CAPS2: variants seen among roughly 807,000 people sequenced by gnomAD.
CAPS2 encodes the protein calcyphosin-2.
A neutral mutation model predicts 86.5 loss-of-function variants in CAPS2; 98 were observed. The ratio of observed to expected loss-of-function variants is 1.13; its 90% CI spans 0.96 to 1.34. The LOEUF (loss-of-function observed/expected upper bound fraction) is 1.34. Among genes scored for constraint, CAPS2 ranks in the 40% most tolerant of loss-of-function variants. CAPS2 has a pLI of 0.00. For missense variants in CAPS2, 729 were observed against 686.8 expected (o/e 1.06, Z -0.69); for synonymous variants, 210 against 225.1 (o/e 0.93, Z 0.60).
At chr12:75,308,784 A>G (rs1213130774) in intron 7 of CAPS2, among the ~76,000 whole-genome samples, 1 of 151,856 alleles carries the variant, frequency 6.6e-6, no homozygotes, top group Non-Finnish European at 1.5e-5. Context: ...GCGAGATAAG[A>G]AGCAGAGGTT....
chr12:75,369,983 A>G, intron 1 of CAPS2: 1 of 1,082,328 alleles, frequency 9.2e-7, no homozygotes, highest in Non-Finnish European at 1.3e-6. Flanking sequence ...TATTATACCT[A>G]ACCGTATGTA....
intron 16 of CAPS2, among the ~76,000 whole-genome samples, 161 bp downstream of exon 16, chr12:75,282,090 T>C (rs977656826): frequency 1.7e-4 from 26 of 152,130 alleles, no homozygotes; most frequent in Non-Finnish European, 3.4e-4. Context: ...ACCTAAGAAT[T>C]TTTAAATGAA....
rs552390204 is a variant in CAPS2, at chr12:75,358,185, AAAT to A, written c.-395+32650_-395+32652del. 5.6e-4 allele frequency among the ~76,000 whole-genome samples: 85 copies of A among 151,942 alleles called. 1 individual carries two copies. Among genetic ancestry groups the A allele is most frequent in the South Asian group, 8.3e-4 (4 of 4,830 alleles). The stretch of plus-strand genomic sequence containing the variant: ...TACAAATATTAAAAGTAAAATAAGA[AAAT>A]AATAATAACATTTATGCCAATAAAT... On this transcript the variant is annotated intron_variant, in intron 1 of 5. Transcript: ENST00000551829.
chr12:75,301,182 ATAATT>A (rs1189396141), intron 8 of CAPS2, among the ~76,000 whole-genome samples: 1 of 152,236 alleles, frequency 6.6e-6, no homozygotes, highest in African/African-American at 2.4e-5. Context: ...TGCTTCACAA[ATAATT>A]TAATAATATT....
intron 1 of CAPS2, chr12:75,390,284 C>G: frequency 2.2e-6 from 1 of 455,884 alleles, no homozygotes. Context: ...CCAATTTTGT[C>G]TGGAACAAAA....
At chr12:75,341,030 C>CAA (rs113251142) in intron 1 of CAPS2, among the ~76,000 whole-genome samples, 8 of 142,012 alleles carry the variant, frequency 5.6e-5, no homozygotes, top group African/African-American at 1.0e-4. Context: ...CAATTTCTTA[C>CAA]AAAAAAAAAA....
chr12:75,376,561 G>T (rs1269967330), intron 1 of CAPS2, among the ~76,000 whole-genome samples: 1 of 152,178 alleles, frequency 6.6e-6, no homozygotes, highest in African/African-American at 2.4e-5. Flanking sequence ...TTAATCTCCT[G>T]AAAGGTGGAA....
At chr12:75,363,127 T>G (rs752315429) in intron 1 of CAPS2, 74 of 1,559,692 alleles carry the variant, frequency 4.7e-5, no homozygotes, top group South Asian at 6.3e-5. Flanking sequence ...TATGCCTCCT[T>G]ACGTAAGAGG....
intron 1 of CAPS2, chr12:75,343,966 GTTC>G (rs1565961966): frequency 6.5e-7 from 1 of 1,538,252 alleles, no homozygotes; most frequent in East Asian, 2.3e-5. Context: ...TTATTGATTA[GTTC>G]TTATTTGTGC....
chr12:75,327,453 GA>G (rs2040887512), upstream of CAPS2, among the ~76,000 whole-genome samples: 1 of 152,040 alleles, frequency 6.6e-6, no homozygotes, highest in Non-Finnish European at 1.5e-5. Flanking sequence ...ATATTTCATT[GA>G]AATTTTTTAT....
intron 12 of CAPS2, 90 bp downstream of exon 12, chr12:75,293,159 T>C: frequency 2.5e-6 from 2 of 809,214 alleles, no homozygotes; most frequent in South Asian, 3.2e-5. Context: ...AATGAAGTTA[T>C]AAATACCTTA....
intron 1 of CAPS2, among the ~76,000 whole-genome samples, chr12:75,362,008 A>T (rs1449294479): frequency 6.6e-6 from 1 of 152,190 alleles, no homozygotes; most frequent in Non-Finnish European, 1.5e-5. Flanking sequence ...TAAAACAATG[A>T]TATATAAATT....
At chr12:75,322,740 T>A (rs915388314) in intron 4 of CAPS2, among the ~76,000 whole-genome samples, 61 of 152,196 alleles carry the variant, frequency 4.0e-4, no homozygotes, top group Non-Finnish European at 1.2e-4. Flanking sequence ...GCCATATTTT[T>A]AAAATTCCTC....
At chr12:75,311,699 GGAAAAAAAAAAACAAAAAAAAAAACAA>G (rs1252154031) in intron 7 of CAPS2, among the ~76,000 whole-genome samples, 3 of 17,022 alleles carry the variant, frequency 1.8e-4, no homozygotes, top group South Asian at 7.4e-3. Flanking sequence ...AAGCCATGCA[GGAAAAAAAAAAACAAAAAAAAAAACAA>G]AAAAAAAAAA....
chr12:75,324,117 A>G (rs1210386490), intron 2 of CAPS2, among the ~76,000 whole-genome samples: 2 of 152,226 alleles, frequency 1.3e-5, no homozygotes, highest in African/African-American at 2.4e-5. Flanking sequence ...CTGAAGAAAC[A>G]TGGTTTTATA....
chr12:75,383,553 G>A (rs976519833), intron 1 of CAPS2, among the ~76,000 whole-genome samples: 1 of 152,070 alleles, frequency 6.6e-6, no homozygotes. Flanking sequence ...CTGATAGAAT[G>A]ACAAGAAGAA....
At chr12:75,305,559 G>GGCAGAGCC (rs1411623736) in intron 7 of CAPS2, 6 of 631,328 alleles carry the variant, frequency 9.5e-6, no homozygotes, top group Non-Finnish European at 1.8e-5. Flanking sequence ...CCGCGACCCT[G>GGCAGAGCC]GCAGAGCCGC....
chr12:75,294,146 A>T (rs778266855), intron 11 of CAPS2, among the ~76,000 whole-genome samples: 6 of 152,012 alleles, frequency 3.9e-5, no homozygotes, highest in Non-Finnish European at 7.4e-5. Flanking sequence ...GGGTTTCACC[A>T]TGTTGGTCAG....
At chr12:75,338,871 A>G (rs1160253940) in intron 1 of CAPS2, among the ~76,000 whole-genome samples, 1 of 152,128 alleles carries the variant, frequency 6.6e-6, no homozygotes, top group Non-Finnish European at 1.5e-5. Flanking sequence ...CTGTTCCTGC[A>G]TTAGTTTGCT....
Sources: gnomAD v4.1 joint callset for allele counts (sites outside exome capture counted in the v4.1 genomes callset) on GRCh38, gnomAD v4.1.1 for gene constraint, MANE v1.5 for transcripts, NCBI Gene and HGNC (gene_info 2026-07-23, HGNC 2026-07-21) for gene names.